Variants in BBS9 observed in about 807,000 individuals in gnomAD.
The protein encoded by BBS9 is protein PTHB1.
Under a neutral mutation model 117.7 loss-of-function variants are expected in BBS9, and 89 were observed. That is an observed-to-expected ratio of 0.76 (90% CI 0.64 to 0.90). The LOEUF (loss-of-function observed/expected upper bound fraction) is 0.90. BBS9 is among the 40% of genes least tolerant of loss of function. BBS9 has a pLI of 0.00. For missense variants in BBS9, 982 were observed against 1,042.2 expected, an observed-to-expected ratio of 0.94 and a Z score of 0.80; for synonymous variants, 379 against 370.9, an observed-to-expected ratio of 1.02 and a Z score of -0.25.
At chr7:33,595,130 T>C (rs6971520) in intron 21 of BBS9, among the ~76,000 whole-genome samples, 15,013 of 152,208 alleles carry the variant, frequency 0.099, 1,152 homozygotes, top group East Asian at 0.31. Flanking sequence ...GACATAGGCA[T>C]GGGCAAAGAC....
At chr7:33,491,180 A>G (rs889604852) in intron 19 of BBS9, among the ~76,000 whole-genome samples, 8 of 152,222 alleles carry the variant, frequency 5.3e-5, no homozygotes, top group African/African-American at 9.6e-5. Context: ...AACTGGATGA[A>G]GACACTGGGA....
At chr7:33,580,165 TGCCAAAG>T (rs1267148395) in intron 21 of BBS9, among the ~76,000 whole-genome samples, 5 of 151,978 alleles carry the variant, frequency 3.3e-5, no homozygotes, top group African/African-American at 1.2e-4. Flanking sequence ...TTAGGTGACT[TGCCAAAG>T]GCCATCCAGC....
Position 33,235,257 on chromosome 7 carries a change from T to C in BBS9, c.443-21979T>C, listed in dbSNP as rs1978332. 7.6e-3 allele frequency among the ~76,000 whole-genome samples: 1,160 copies of C among 152,310 alleles called. 6 individuals carry two copies. The highest frequency in any genetic ancestry group is 0.012 in the Non-Finnish European group (832 of 68,008). ...CCTCTTTCTTTTTTTATGACAGGATTCAGATCTGAGGTCTTTTGAAAGTCC... is the reference window on the plus strand; with the variant it reads ...CCTCTTTCTTTTTTTATGACAGGATCCAGATCTGAGGTCTTTTGAAAGTCC... On this transcript the variant is annotated intron_variant, in intron 5 of 22. Transcript: ENST00000242067.
chr7:33,553,754 A>G (rs1406004298), intron 21 of BBS9, among the ~76,000 whole-genome samples: 1 of 152,166 alleles, frequency 6.6e-6, no homozygotes. Context: ...ACAATTTTTA[A>G]AAGTTTAACA....
intron 9 of BBS9, among the ~76,000 whole-genome samples, chr7:33,308,276 A>C (rs1808459366): frequency 6.6e-6 from 1 of 152,208 alleles, no homozygotes; most frequent in South Asian, 2.1e-4. Context: ...TGGAGGACAC[A>C]GCTCATTCCA....
chr7:33,482,528 C>A lies in BBS9; in HGVS notation c.2116-22935C>A, dbSNP rs189313020. On this transcript the variant is annotated intron_variant, in intron 19 of 22. Transcript: ENST00000242067. Reference sequence around the variant, plus strand: ...GTATAATTGAGACAAAAAAGGATATCCTGGAAATAATATTATGTTAGGTTA... The same window carrying A: ...GTATAATTGAGACAAAAAAGGATATACTGGAAATAATATTATGTTAGGTTA... 2.7e-3 allele frequency among the ~76,000 whole-genome samples: 404 copies of A among 152,152 alleles called. 4 individuals are homozygous for A. Among genetic ancestry groups the A allele is most frequent in the African/African-American group, 9.1e-3 (379 of 41,504 alleles).
chr7:33,532,741 T>A, intron 20 of BBS9, among the ~76,000 whole-genome samples: 1 of 152,182 alleles, frequency 6.6e-6, no homozygotes, highest in Non-Finnish European at 1.5e-5. Context: ...TTATCTGATT[T>A]GCATATTTGA....
intron 17 of BBS9, among the ~76,000 whole-genome samples, chr7:33,372,191 T>C (rs1043120103): frequency 6.6e-5 from 10 of 152,106 alleles, no homozygotes; most frequent in African/African-American, 1.7e-4. Flanking sequence ...CAGATTCTGA[T>C]AATGGCAAGC....
intron 19 of BBS9, among the ~76,000 whole-genome samples, chr7:33,478,478 T>C (rs1842089005): frequency 6.6e-6 from 1 of 152,236 alleles, no homozygotes; most frequent in Admixed American, 6.5e-5. Context: ...AGAATACTTC[T>C]GTTAGTGGCT....
chr7:33,527,243 A>T (rs1849700103), intron 20 of BBS9, among the ~76,000 whole-genome samples: 1 of 152,204 alleles, frequency 6.6e-6, no homozygotes. Context: ...CTACAGAAGC[A>T]GGCAGGCCTC....
intron 18 of BBS9, 102 bp from the exon 19 acceptor site, chr7:33,387,890 T>G (rs1826311243): frequency 1.5e-6 from 2 of 1,347,910 alleles, no homozygotes; most frequent in South Asian, 1.2e-5. Flanking sequence ...GCATTTAAAT[T>G]TCTTCATTAC....
intron 21 of BBS9, among the ~76,000 whole-genome samples, chr7:33,542,790 T>TACACACACACAC (rs368494839): frequency 1.5e-5 from 2 of 134,380 alleles, no homozygotes; most frequent in South Asian, 5.1e-4. Context: ...TATATATATG[T>TACACACACACAC]ACACACACAC....
At chr7:33,216,826 T>C (rs1486751599) in intron 5 of BBS9, among the ~76,000 whole-genome samples, 2 of 152,210 alleles carry the variant, frequency 1.3e-5, no homozygotes, top group Non-Finnish European at 2.9e-5. Flanking sequence ...CCGGGCGTGG[T>C]GGCTCATGCT....
At chr7:33,259,541 ATT>A (rs563240558) in intron 6 of BBS9, among the ~76,000 whole-genome samples, 3 of 144,952 alleles carry the variant, frequency 2.1e-5, no homozygotes, top group Admixed American at 6.9e-5. Context: ...GCCCTGAGAC[ATT>A]TTTTTTTTTT....
chr7:33,184,687 G>A (rs1382685841), intron 5 of BBS9, among the ~76,000 whole-genome samples: 7 of 152,198 alleles, frequency 4.6e-5, no homozygotes, highest in Non-Finnish European at 8.8e-5. Context: ...AGTCTCCTTC[G>A]TATCGTTCTT....
intron 9 of BBS9, among the ~76,000 whole-genome samples, chr7:33,285,102 A>G (rs1050119988): frequency 4.1e-5 from 6 of 147,430 alleles, no homozygotes; most frequent in Admixed American, 6.6e-5. Flanking sequence ...AAGTCAATAG[A>G]TAGTGTAGAG....
chr7:33,551,785 T>A (rs1185514151), intron 21 of BBS9, among the ~76,000 whole-genome samples: 1 of 152,200 alleles, frequency 6.6e-6, no homozygotes, highest in Admixed American at 6.5e-5. Flanking sequence ...GAATGCCAGC[T>A]GTTGACCATT....
At chr7:33,268,894 G>A (rs979227272) in intron 7 of BBS9, among the ~76,000 whole-genome samples, 4 of 152,184 alleles carry the variant, frequency 2.6e-5, no homozygotes, top group African/African-American at 9.7e-5. Context: ...CCAAATGCTA[G>A]CCTGTTACAA....
At chr7:33,246,703 C>T (rs970945799) in intron 5 of BBS9, among the ~76,000 whole-genome samples, 1 of 151,910 alleles carries the variant, frequency 6.6e-6, no homozygotes, top group Non-Finnish European at 1.5e-5. Flanking sequence ...ACGGGTTCTT[C>T]TGTATGATGT....
Sources: gnomAD v4.1 joint callset for allele counts (sites outside exome capture counted in the v4.1 genomes callset) on GRCh38, gnomAD v4.1.1 for gene constraint, MANE v1.5 for transcripts, NCBI Gene and HGNC (gene_info 2026-07-23, HGNC 2026-07-21) for gene names.